RNF213: variants seen among roughly 807,000 people sequenced by gnomAD.
RNF213 encodes the protein E3 ubiquitin-protein ligase RNF213.
RNF213 carries 341 observed loss-of-function variants against 514.4 expected under a neutral mutation model. The observed-to-expected ratio is 0.66, with a 90% confidence interval of 0.61 to 0.73. The LOEUF (loss-of-function observed/expected upper bound fraction) is 0.73. Among genes scored for constraint, RNF213 ranks in the 30% least tolerant of loss-of-function variants. The pLI is 0.00. For missense variants in RNF213, 5,767 were observed against 6,615.6 expected, an observed-to-expected ratio of 0.87 and a Z score of 4.45; for synonymous variants, 2,655 against 2,658.2, an observed-to-expected ratio of 1.00 and a Z score of 0.04.
chr17:80,367,699 C>T, intron 42 of RNF213, 49 bp from the exon 43 acceptor site: 2 of 1,513,838 alleles, frequency 1.3e-6, no homozygotes, highest in Non-Finnish European at 9.2e-7. Context: ...GGCCTGGCCG[C>T]CCTCAGCCCT....
At chr17:80,360,578 C>T (rs535918381) in intron 38 of RNF213, among the ~76,000 whole-genome samples, 3 of 152,248 alleles carry the variant, frequency 2.0e-5, no homozygotes, top group East Asian at 1.9e-4. Context: ...GCACTGGACT[C>T]GGAAGATGCC....
chr17:80,347,421 T>C lies in RNF213; in HGVS notation c.9086T>C (p.Val3029Ala). 1.2e-6 allele frequency: 2 copies of C among 1,613,960 alleles called. No homozygotes were observed. The highest frequency in any genetic ancestry group is 2.2e-5 in the South Asian group (2 of 91,082). The change falls in exon 29 of 68, where the codon GTG becomes GCG. Residue 3029 changes from valine to alanine, a missense_variant. By Grantham distance (64) the Val-to-Ala change is moderately conservative. Transcript: ENST00000582970. The surrounding 1 kb of genome is among the most constrained non-coding windows in gnomAD (Gnocchi z 7.2). ...AACATCTTTGGGCCTTCTCAGAAGG[T>C]GCCGGGTGGAGAGCAGGAAGATGCT... Reference protein sequence around the residue: ...KQNIFGPSQKVPGGEQEDAES... With the variant: ...KQNIFGPSQKAPGGEQEDAES...
In RNF213 at chr17:80,377,733, AGC is replaced by A; in HGVS notation, c.13511-28_13511-27del. 1 of 1,614,000 alleles carries A rather than the reference AGC, an allele frequency of 6.2e-7. No homozygotes were observed. ...GTGGGTCATTGGGTGAAACCTCATT[AGC>A]CAATGTGTGTCCTGTTCTCTTCACA... On this transcript the variant is annotated intron_variant, in intron 53 of 67. Coordinates refer to ENST00000582970, the MANE Select transcript of RNF213 (RefSeq NM_001256071.3). The surrounding 1 kb of genome is among the most constrained non-coding windows in gnomAD (Gnocchi z 4.1).
At chr17:80,273,918 C>A (rs1196233610) in intron 3 of RNF213, among the ~76,000 whole-genome samples, 1 of 152,160 alleles carries the variant, frequency 6.6e-6, no homozygotes, top group Non-Finnish European at 1.5e-5. Flanking sequence ...CCGCGCCCGG[C>A]CTCCACCTTC....
chr17:80,385,301 C>T, intron 60 of RNF213, 130 bp downstream of exon 60: 1 of 1,207,208 alleles, frequency 8.3e-7, no homozygotes, highest in Non-Finnish European at 1.2e-6. Context: ...AAGCCCTTAC[C>T]ATGCGGTGAA....
At chr17:80,375,542 G>GA (rs58313556) in intron 50 of RNF213, among the ~76,000 whole-genome samples, 71,602 of 146,398 alleles carry the variant, frequency 0.49, 18,575 homozygotes, top group Non-Finnish European at 0.59. Context: ...TCTACTAAAA[G>GA]AAAAAAAAAA....
chr17:80,378,673 TACAC>T (rs1241891274), intron 54 of RNF213, among the ~76,000 whole-genome samples: 1 of 152,150 alleles, frequency 6.6e-6, no homozygotes, highest in African/African-American at 2.4e-5. Flanking sequence ...AACTGTTACA[TACAC>T]TTCATTTTTC....
intron 10 of RNF213, among the ~76,000 whole-genome samples, 167 bp downstream of exon 10, chr17:80,295,980 T>A (rs1252322955): frequency 1.3e-5 from 2 of 152,172 alleles, no homozygotes; most frequent in Non-Finnish European, 2.9e-5. Context: ...TCCTAGCATC[T>A]GTCTTATTTT....
intron 42 of RNF213, chr17:80,365,414 A>C (rs2079224564): frequency 7.7e-6 from 1 of 129,572 alleles, no homozygotes; most frequent in Admixed American, 7.5e-5. Context: ...GGAGGCTGGC[A>C]CGGAGTCAGG....
rs138587836 is a variant in RNF213 at position 80,376,375 on chromosome 17, A to G, written c.13260A>G (p.Thr4420=). The G allele has an allele frequency of 1.4e-4, 219 of 1,614,234 alleles. 1 individual carries two copies. In the African/African-American group the frequency reaches 2.6e-3, roughly 19 times the overall value. The change falls in exon 52 of 68, where the codon ACA becomes ACG. Residue 4420 remains threonine, a synonymous_variant. Transcript: ENST00000582970. ...LSPPDISRFA[T]SLVDNSVPLL... The stretch of plus-strand genomic sequence containing the variant: ...CTCCTGATATCAGCCGTTTTGCAAC[A>G]TCGCTCGTGGACAATTCTGTGCCAT...
chr17:80,285,842 TTG>T lies in RNF213; in HGVS notation c.262-1969_262-1968del, dbSNP rs541306067. ...CCTGCCACCACGCCCAGCTAATTTT[TTG>T]TGTTTTTAGTAGAGATGGGGAGGAT... On this transcript the variant is annotated intron_variant, in intron 3 of 67. Coordinates refer to ENST00000582970, the MANE Select transcript of RNF213 (RefSeq NM_001256071.3). Among the ~76,000 whole-genome samples the T allele has an allele frequency of 6.0e-3, 918 of 152,218 alleles. 8 individuals carry two copies. The highest frequency in any genetic ancestry group is 0.021 in the African/African-American group (868 of 41,530).
Position 80,385,617 on chromosome 17 carries a change from G to T in RNF213, c.14535G>T (p.Thr4845=), listed in dbSNP as rs770233838. The change falls in exon 61 of 68, where the codon ACG becomes ACT. Residue 4845 remains threonine, a synonymous_variant. Transcript: ENST00000582970. ...ACAAACTGAGGAGATCGCTTGAGAC[G>T]AACGGTTAGTATCCTGTCCCCTGTA... ...TWNKLRRSLE[T]NGEINLPKDY... 14 of 1,613,642 alleles carry T rather than the reference G, an allele frequency of 8.7e-6. No homozygotes were observed. Among genetic ancestry groups the T allele is most frequent in the Non-Finnish European group, 1.2e-5 (14 of 1,179,714 alleles).
intron 3 of RNF213, among the ~76,000 whole-genome samples, chr17:80,284,757 G>T (rs544819718): frequency 1.3e-5 from 2 of 152,086 alleles, no homozygotes; most frequent in Non-Finnish European, 2.9e-5. Flanking sequence ...TTACTCCCTC[G>T]TGCCACACAG....
intron 3 of RNF213, among the ~76,000 whole-genome samples, chr17:80,276,273 T>G (rs2044054207): frequency 6.6e-6 from 1 of 151,994 alleles, no homozygotes; most frequent in South Asian, 2.1e-4. Flanking sequence ...GCTAATTTTG[T>G]ATTTTTAGTA....
chr17:80,340,501 C>T lies in RNF213; in HGVS notation c.5989+145C>T, dbSNP rs552835817. 1.8e-4 allele frequency: 142 copies of T among 785,384 alleles called. No homozygotes were observed. In the African/African-American group the frequency reaches 2.2e-3, roughly 12 times the overall value. The allele number at this position is 785,384 out of a possible 1,614,324, so 48.7% of individuals were successfully genotyped here. ...TTCATCTGTGGGTGTCAATCAGGGT[C>T]TGTGCCAGAACCAGGCACCCTGGTC... On this transcript the variant is annotated intron_variant, in intron 26 of 67. Transcript: ENST00000582970.
chr17:80,291,919 T>A (rs774665383), intron 8 of RNF213, 92 bp downstream of exon 8: 3 of 1,417,260 alleles, frequency 2.1e-6, no homozygotes, highest in Non-Finnish European at 2.9e-6. Context: ...GAGCACAGAC[T>A]TTGCCTGGGC....
At chr17:80,348,950 T>C (rs2078406968) in intron 29 of RNF213, among the ~76,000 whole-genome samples, 1 of 152,126 alleles carries the variant, frequency 6.6e-6, no homozygotes, top group Non-Finnish European at 1.5e-5. Context: ...CTTGTCTCCC[T>C]GGCTGGGTGA....
At chr17:80,283,724 G>A (rs886153575) in intron 3 of RNF213, among the ~76,000 whole-genome samples, 1 of 152,192 alleles carries the variant, frequency 6.6e-6, no homozygotes, top group Non-Finnish European at 1.5e-5. Context: ...TGGGAGGTGG[G>A]GGGTGGTCAG....
chr17:80,324,473 T>C lies in RNF213; in HGVS notation c.3025-557T>C, dbSNP rs190454814. Among the ~76,000 whole-genome samples the C allele has an allele frequency of 3.4e-3, 512 of 152,238 alleles. 5 individuals are homozygous for C. Among genetic ancestry groups the C allele is most frequent in the African/African-American group, 0.011 (475 of 41,534 alleles). On this transcript the variant is annotated intron_variant, in intron 17 of 67. Coordinates refer to ENST00000582970, the MANE Select transcript of RNF213 (RefSeq NM_001256071.3). ...TCCTTTAACATGGGGCTGGATAAGG[T>C]TTTCTTTTATCCTTTTAAATGTCAG... is the stretch of plus-strand genomic sequence containing the variant.
Sources: allele counts gnomAD v4.1 joint callset (sites outside exome capture counted in the v4.1 genomes callset), GRCh38; gene constraint gnomAD v4.1.1; non-coding constraint Gnocchi (gnomAD v3.1); transcripts MANE v1.5; gene names NCBI Gene and HGNC (gene_info 2026-07-23, HGNC 2026-07-21).